FGD5: variants seen among roughly 807,000 people sequenced by gnomAD.
FGD5 encodes FYVE, RhoGEF and PH domain-containing protein 5.
A neutral mutation model predicts 133.4 loss-of-function variants in FGD5; 28 were observed. That is an observed-to-expected ratio of 0.21 (90% CI 0.16 to 0.29). The LOEUF (loss-of-function observed/expected upper bound fraction) is 0.29, where lower values mean the gene tolerates loss of function less well. FGD5 is among the 10% of genes least tolerant of loss of function. The probability of loss-of-function intolerance (pLI) is 1.00; values close to 1 mark genes in which losing one functional copy is unlikely to be tolerated. For synonymous variants in FGD5, 810 were observed against 776.5 expected (o/e 1.04, Z -0.72); for missense variants, 1,858 against 1,895.2 (o/e 0.98, Z 0.36).
At chr3:14,908,419 G>A (rs1223453408) in intron 10 of FGD5, among the ~76,000 whole-genome samples, 2 of 152,088 alleles carry the variant, frequency 1.3e-5, no homozygotes, top group Admixed American at 6.5e-5. Flanking sequence ...TGGACTCCTC[G>A]TGGGTACAAA....
intron 1 of FGD5, among the ~76,000 whole-genome samples, chr3:14,863,460 A>G (rs2037438292): frequency 6.6e-6 from 1 of 152,214 alleles, no homozygotes; most frequent in Non-Finnish European, 1.5e-5. Context: ...TGCCTGCTTA[A>G]AGCAGACAGT....
At chr3:14,881,222 C>T (rs2125118271) in intron 4 of FGD5, among the ~76,000 whole-genome samples, 1 of 152,184 alleles carries the variant, frequency 6.6e-6, no homozygotes, top group South Asian at 2.1e-4. Context: ...TCCTTAGTGT[C>T]AGGGTGGTAG....
At chr3:14,916,208 T>C (rs1205132152) in intron 11 of FGD5, among the ~76,000 whole-genome samples, 5 of 152,212 alleles carry the variant, frequency 3.3e-5, no homozygotes, top group Admixed American at 3.3e-4. Flanking sequence ...GGTGGTGGTG[T>C]CTCCCATTTC....
intron 1 of FGD5, among the ~76,000 whole-genome samples, chr3:14,833,609 A>G (rs985856571): frequency 2.0e-5 from 3 of 152,106 alleles, no homozygotes; most frequent in Admixed American, 6.6e-5. Context: ...GCTGGCAGAT[A>G]GCATCCTGAG....
chr3:14,854,089 G>A (rs1390500768), intron 1 of FGD5, among the ~76,000 whole-genome samples: 4 of 151,930 alleles, frequency 2.6e-5, no homozygotes, highest in Admixed American at 1.3e-4. Context: ...GACTCCCACC[G>A]TGAACCTCCA....
chr3:14,828,219 T>G (rs2036639412), intron 1 of FGD5, among the ~76,000 whole-genome samples: 1 of 152,012 alleles, frequency 6.6e-6, no homozygotes, highest in African/African-American at 2.4e-5. Context: ...CCCAAGTCAC[T>G]GAAATGCAAG....
chr3:14,844,220 ATATATATATATATATATATATAT>A (rs1559477425), intron 1 of FGD5, among the ~76,000 whole-genome samples: 934 of 16,354 alleles, frequency 0.057, 111 homozygotes, highest in African/African-American at 0.14. Context: ...AAAAAAAAAT[ATATATATATATATATATATATAT>A]ATATATATAT....
chr3:14,933,041 G>C (rs1227449338), intron 19 of FGD5, 90 bp from the exon 20 acceptor site: 2 of 1,406,326 alleles, frequency 1.4e-6, no homozygotes, highest in East Asian at 2.4e-5. Flanking sequence ...AAACTAAGAG[G>C]AATCTACTAG....
intron 1 of FGD5, among the ~76,000 whole-genome samples, chr3:14,846,176 C>T (rs895873496): frequency 1.3e-5 from 2 of 152,300 alleles, no homozygotes; most frequent in Admixed American, 1.3e-4. Flanking sequence ...GCAATCTTCA[C>T]ATGGAAGAAG....
chr3:14,879,998 G>A (rs1286023565), intron 2 of FGD5, among the ~76,000 whole-genome samples: 1 of 152,162 alleles, frequency 6.6e-6, no homozygotes, highest in Non-Finnish European at 1.5e-5. Flanking sequence ...TTACTAAATG[G>A]CAGGTGCCAT....
chr3:14,842,636 A>T (rs914134389), intron 1 of FGD5, among the ~76,000 whole-genome samples: 1 of 152,102 alleles, frequency 6.6e-6, no homozygotes, highest in Non-Finnish European at 1.5e-5. Context: ...GCAGGTTGTG[A>T]TAGCTCTGAT....
In FGD5 at chr3:14,869,144, AT is replaced by A. The variant is rs1346412846; in HGVS notation, c.2658+4886del. On this transcript the variant is annotated intron_variant, in intron 2 of 19. Coordinates refer to ENST00000285046, the MANE Select transcript of FGD5 (RefSeq NM_152536.4). Reference sequence around the variant, plus strand: ...CCCGTCTCTACTAAAAATACAAAAAATTATCTGGGTGTGGTGGCACGTGCCT... The same window carrying A: ...CCCGTCTCTACTAAAAATACAAAAAATATCTGGGTGTGGTGGCACGTGCCT... Among the ~76,000 whole-genome samples the A allele has an allele frequency of 2.0e-4, 31 of 152,066 alleles. No homozygotes were observed. In the South Asian group the frequency reaches 6.5e-3, roughly 32 times the overall value.
chr3:14,876,422 C>T (rs578117373), intron 2 of FGD5, among the ~76,000 whole-genome samples: 2 of 152,138 alleles, frequency 1.3e-5, no homozygotes, highest in Non-Finnish European at 2.9e-5. Flanking sequence ...GCAATGTTTA[C>T]CACATTAGAA....
chr3:14,909,990 T>G (rs2038416771), intron 10 of FGD5, among the ~76,000 whole-genome samples: 1 of 151,956 alleles, frequency 6.6e-6, no homozygotes. Flanking sequence ...GGTTTTGAAC[T>G]CCTGACCCTG....
At chr3:14,883,868 A>G (rs1165149166) in intron 4 of FGD5, among the ~76,000 whole-genome samples, 1 of 152,176 alleles carries the variant, frequency 6.6e-6, no homozygotes, top group Non-Finnish European at 1.5e-5. Context: ...TTTGCGGAAG[A>G]GGTGCCACTG....
At chr3:14,831,634 A>G (rs1486617011) in intron 1 of FGD5, among the ~76,000 whole-genome samples, 1 of 152,164 alleles carries the variant, frequency 6.6e-6, no homozygotes, top group Admixed American at 6.5e-5. Flanking sequence ...AGGAGGGAAT[A>G]AGGTTGGGAA....
chr3:14,826,607 C>T (rs2036604063), intron 1 of FGD5, among the ~76,000 whole-genome samples: 1 of 152,156 alleles, frequency 6.6e-6, no homozygotes, highest in African/African-American at 2.4e-5. Flanking sequence ...GGAGTTAATA[C>T]GGTACATGGT....
chr3:14,854,389 TTTTATTTATTTATTTATTTA>T (rs71268415), intron 1 of FGD5, among the ~76,000 whole-genome samples: 18 of 137,560 alleles, frequency 1.3e-4, no homozygotes, highest in Admixed American at 5.8e-4. Flanking sequence ...TTTCTTTTCT[TTTTATTTATTTATTTATTTA>T]TTTATTTATT....
At position 14,933,736 on chromosome 3, in the gene FGD5, A is replaced by T. The variant is rs1001810830; in HGVS notation, c.*569A>T. 7.0e-5 allele frequency: 11 copies of T among 157,216 alleles called. No homozygotes were observed. The highest frequency in any genetic ancestry group is 2.2e-4 in the African/African-American group (9 of 41,480). The allele number at this position is 157,216 out of a possible 1,614,324, so 9.7% of individuals were successfully genotyped here. A position where few individuals can be genotyped will look rare whatever the true frequency, so the allele number is the denominator to read the frequency against. ...GGACTAATGTGCCACCAGTTTTCTA[A>T]CAAGGGTGTACATAAAATGGATTTG... On this transcript the variant is annotated 3_prime_UTR_variant, in exon 20 of 20. Transcript: ENST00000285046.
Sources: gnomAD v4.1 joint callset for allele counts (sites outside exome capture counted in the v4.1 genomes callset) on GRCh38, gnomAD v4.1.1 for gene constraint, MANE v1.5 for transcripts, NCBI Gene and HGNC (gene_info 2026-07-23, HGNC 2026-07-21) for gene names.